MEGF11: variants seen among roughly 807,000 people sequenced by gnomAD.
The protein encoded by MEGF11 is multiple epidermal growth factor-like domains protein 11.
In MEGF11, 126 loss-of-function variants were observed where a neutral mutation model predicts 146.6. The observed-to-expected ratio is 0.86, with a 90% CI of 0.74 to 1.00. The LOEUF (loss-of-function observed/expected upper bound fraction) is 1.00. MEGF11 is among the 50% of genes least tolerant of loss of function. The pLI is 0.00. For synonymous variants in MEGF11, 532 were observed against 583.4 expected (o/e 0.91, Z 1.27); for missense variants, 1,509 against 1,521.2 (o/e 0.99, Z 0.13).
chr15:66,049,017 G>A (rs921809329), intron 5 of MEGF11, among the ~76,000 whole-genome samples: 4 of 152,190 alleles, frequency 2.6e-5, no homozygotes, highest in African/African-American at 9.7e-5. Context: ...TATAATGAGA[G>A]GAAGGGCTGC....
intron 5 of MEGF11, among the ~76,000 whole-genome samples, chr15:65,996,548 C>A (rs532768553): frequency 6.6e-6 from 1 of 151,216 alleles, no homozygotes; most frequent in Non-Finnish European, 1.5e-5. Flanking sequence ...TGCAGTGGTG[C>A]GATCTTGACT....
intron 4 of MEGF11, among the ~76,000 whole-genome samples, chr15:66,113,558 C>T (rs1427576022): frequency 6.6e-6 from 1 of 152,152 alleles, no homozygotes; most frequent in Non-Finnish European, 1.5e-5. Context: ...GCCCTGAGTA[C>T]TTAGGGGATG....
intron 5 of MEGF11, among the ~76,000 whole-genome samples, chr15:66,042,206 G>T (rs1279126666): frequency 6.6e-6 from 1 of 151,138 alleles, no homozygotes; most frequent in Non-Finnish European, 1.5e-5. Flanking sequence ...TGCCTCCCAG[G>T]TTCAGCGATT....
Position 66,068,829 on chromosome 15 carries a change from C to A in MEGF11, c.394+25573G>T, listed in dbSNP as rs115909689. ...TGTGCAAAGTCCCCTACCCTAGTGA[C>A]AATGCATGAGGCACAACAAACTCTG... On this transcript the variant is annotated intron_variant, in intron 5 of 25. Transcript: ENST00000395614. Among the ~76,000 whole-genome samples, 901 of 152,296 alleles carry A rather than the reference C, an allele frequency of 5.9e-3. 9 individuals carry two copies. The highest frequency in any genetic ancestry group is 0.021 in the African/African-American group (869 of 41,564).
Position 66,146,072 on chromosome 15 carries a change from G to T in MEGF11, c.-8-17661C>A, listed in dbSNP as rs899023516. Among the ~76,000 whole-genome samples the T allele has an allele frequency of 7.2e-5, 11 of 152,072 alleles. No homozygotes were observed. In the South Asian group the frequency reaches 2.3e-3, roughly 32 times the overall value. On this transcript the variant is annotated intron_variant, in intron 1 of 25. Coordinates refer to ENST00000395614, the MANE Select transcript of MEGF11 (RefSeq NM_001385028.1). ...CTGGGTGTTGTGTCATATCCTTTTT[G>T]GGTTTTTAATTTGCTGGGTGATTTT...
In MEGF11 at chr15:66,238,929, A is replaced by G. The variant is rs77241543; in HGVS notation, c.-9+14676T>C. ...CCTCCACGAGAATGGAAGCTCCACA[A>G]GGAAAGGATTTGTGTCTGTTTGTCT... On this transcript the variant is annotated intron_variant, in intron 1 of 25. Transcript: ENST00000395614. 4.2e-3 allele frequency among the ~76,000 whole-genome samples: 641 copies of G among 152,252 alleles called. 21 individuals are homozygous for G. In the East Asian group the frequency reaches 0.085, roughly 20 times the overall value.
At chr15:66,020,144 G>T (rs564370655) in intron 5 of MEGF11, among the ~76,000 whole-genome samples, 5 of 152,364 alleles carry the variant, frequency 3.3e-5, no homozygotes, top group African/African-American at 9.6e-5. Context: ...AGGCCCCTAG[G>T]ATTAGATCAT....
At chr15:66,024,488 C>G (rs986987750) in intron 5 of MEGF11, among the ~76,000 whole-genome samples, 2 of 152,208 alleles carry the variant, frequency 1.3e-5, no homozygotes, top group African/African-American at 4.8e-5. Context: ...ATCTGGGAAA[C>G]AGGTGTGCTA....
At chr15:66,234,077 T>A (rs1033589490) in intron 1 of MEGF11, among the ~76,000 whole-genome samples, 8 of 151,972 alleles carry the variant, frequency 5.3e-5, no homozygotes, top group African/African-American at 1.9e-4. Flanking sequence ...TTCTGTATTT[T>A]TAGTAGGGAC....
chr15:66,037,938 T>C (rs1191999930), intron 5 of MEGF11, among the ~76,000 whole-genome samples: 2 of 152,198 alleles, frequency 1.3e-5, no homozygotes, highest in Non-Finnish European at 1.5e-5. Context: ...ACATGATACC[T>C]GGAGGTTTGA....
At position 65,912,096 on chromosome 15, in the gene MEGF11, TC is replaced by T; in HGVS notation, c.2814del (p.Asn939ThrfsTer24). The T allele has an allele frequency of 1.6e-6, 2 of 1,232,100 alleles. No homozygotes were observed. The highest frequency in any genetic ancestry group is 2.0e-6 in the Non-Finnish European group (2 of 987,958). The allele number at this position is 1,232,100 out of a possible 1,614,324, so 76.3% of individuals were successfully genotyped here. On this transcript the variant is annotated frameshift_variant, in exon 21 of 26. Coordinates refer to ENST00000395614, the MANE Select transcript of MEGF11 (RefSeq NM_001385028.1). LOFTEE classifies it high-confidence loss of function. ...PATSQASTLD[R>X]NSPTKLSNKS... Reference sequence around the variant, plus strand: ...GGGCCCGGTACCTTGGTGGGGCTGTTCCTGTCCAGAGTGCTGGCCTGGCTGG... The same window carrying T: ...GGGCCCGGTACCTTGGTGGGGCTGTTCTGTCCAGAGTGCTGGCCTGGCTGG...
intron 5 of MEGF11, among the ~76,000 whole-genome samples, chr15:66,028,396 T>C (rs2083409485): frequency 6.6e-6 from 1 of 152,238 alleles, no homozygotes; most frequent in African/African-American, 2.4e-5. Context: ...CATGCACTGC[T>C]GACAATGTTA....
At chr15:65,958,280 C>G (rs573900705) in intron 9 of MEGF11, among the ~76,000 whole-genome samples, 2 of 152,244 alleles carry the variant, frequency 1.3e-5, no homozygotes, top group African/African-American at 4.8e-5. Context: ...CCCCAACCTA[C>G]GCTTTGCCAG....
chr15:65,933,967 G>A (rs1330106297), intron 10 of MEGF11, among the ~76,000 whole-genome samples: 1 of 152,318 alleles, frequency 6.6e-6, no homozygotes. Context: ...TTAGTGCAAA[G>A]ATATAGCATC....
At chr15:66,246,058 C>G (rs553214198) in intron 1 of MEGF11, among the ~76,000 whole-genome samples, 1 of 151,732 alleles carries the variant, frequency 6.6e-6, no homozygotes, top group Non-Finnish European at 1.5e-5. Flanking sequence ...GTCAGGAGTT[C>G]GAGACCAGGC....
intron 4 of MEGF11, among the ~76,000 whole-genome samples, chr15:66,112,695 C>A (rs1218685820): frequency 7.0e-6 from 1 of 142,742 alleles, no homozygotes; most frequent in East Asian, 2.1e-4. Flanking sequence ...CACACCCAGA[C>A]ACATCCTAGG....
At chr15:66,032,586 T>C (rs2083565181) in intron 5 of MEGF11, among the ~76,000 whole-genome samples, 1 of 152,228 alleles carries the variant, frequency 6.6e-6, no homozygotes, top group African/African-American at 2.4e-5. Flanking sequence ...AAGTCATAGA[T>C]GGAACTAAGA....
chr15:65,909,128 A>AG lies in MEGF11; in HGVS notation c.2903_2904insC (p.Gln970ProfsTer17). 1 of 1,532,392 alleles carries AG rather than the reference A, an allele frequency of 6.5e-7. No homozygotes were observed. Among genetic ancestry groups the AG allele is most frequent in the East Asian group, 2.4e-5 (1 of 40,894 alleles). 94.9% of individuals were successfully genotyped at this position (1,532,392 alleles called of 1,614,324 possible). Reference sequence around the variant, plus strand: ...TGGCCTCCAGGGCACTGATCTGGAAATGGGAGTCTAGTGAGAGGAATGACA... The same window carrying AG: ...TGGCCTCCAGGGCACTGATCTGGAAAGTGGGAGTCTAGTGAGAGGAATGACA... On this transcript the variant is annotated frameshift_variant, in exon 23 of 26. Transcript: ENST00000395614. LOFTEE classifies it high-confidence loss of function.
intron 10 of MEGF11, among the ~76,000 whole-genome samples, chr15:65,948,557 C>T (rs967147338): frequency 1.3e-5 from 2 of 152,196 alleles, no homozygotes; most frequent in Non-Finnish European, 2.9e-5. Context: ...CAACCCAGGA[C>T]TGTCTGATTC....
Sources: allele counts gnomAD v4.1 joint callset (sites outside exome capture counted in the v4.1 genomes callset), GRCh38; gene constraint gnomAD v4.1.1; transcripts MANE v1.5; gene names NCBI Gene and HGNC (gene_info 2026-07-23, HGNC 2026-07-21).